The following KLF8 variants were observed in gnomAD, a reference collection of about 807,000 sequenced individuals.
KLF8 encodes the protein Krueppel-like factor 8.
A neutral mutation model predicts 18.2 loss-of-function variants in KLF8; 10 were observed. That is an observed-to-expected ratio of 0.55 (90% confidence interval 0.34 to 0.93). The LOEUF (loss-of-function observed/expected upper bound fraction) is 0.93. Among genes scored for constraint, KLF8 ranks in the 40% least tolerant of loss-of-function variants. The pLI, the probability that KLF8 is intolerant of heterozygous loss-of-function variation, is 0.02. For missense variants in KLF8, 264 were observed against 277.9 expected (o/e 0.95, Z 0.36); for synonymous variants, 109 against 97.3 (o/e 1.12, Z -0.71).
chrX:55,969,863 A>G, the KLF8 span, among the ~76,000 whole-genome samples: 2 of 111,688 alleles, frequency 1.8e-5, no homozygotes, highest in East Asian at 5.6e-4. Context: ...TCTTAGAAAC[A>G]TACAACGTAT....
the KLF8 span, among the ~76,000 whole-genome samples, chrX:56,162,056 G>A: frequency 8.9e-6 from 1 of 111,978 alleles, no homozygotes; most frequent in Non-Finnish European, 1.9e-5. Context: ...GTTTGCCTGG[G>A]TATCAGCAGC....
chrX:56,193,244 G>A, the KLF8 span, among the ~76,000 whole-genome samples: 9 of 112,464 alleles, frequency 8.0e-5, no homozygotes, highest in Non-Finnish European at 1.3e-4. Context: ...GATCATCAGA[G>A]AAATACAAAT....
At chrX:56,037,018 A>G in the KLF8 span, among the ~76,000 whole-genome samples, 1 of 111,911 alleles carries the variant, frequency 8.9e-6, no homozygotes, top group Non-Finnish European at 1.9e-5. Context: ...TTTATTTTAC[A>G]ACTTTACTGA....
the KLF8 span, among the ~76,000 whole-genome samples, chrX:56,193,420 A>T: frequency 9.0e-6 from 1 of 111,633 alleles, no homozygotes; most frequent in Non-Finnish European, 1.9e-5. Context: ...GAGGTTCCTC[A>T]AAAAATAAAA....
the KLF8 span, among the ~76,000 whole-genome samples, chrX:56,053,764 T>C: frequency 9.1e-6 from 1 of 110,309 alleles, no homozygotes; most frequent in Non-Finnish European, 1.9e-5. Context: ...AATTCATCTA[T>C]CTTTTTCTAT....
At chrX:56,076,841 T>A in the KLF8 span, among the ~76,000 whole-genome samples, 2 of 112,233 alleles carry the variant, frequency 1.8e-5, no homozygotes, top group Non-Finnish European at 3.8e-5. Flanking sequence ...TTCTAACTGA[T>A]GTGAGATGAT....
chrX:55,947,069 G>T, the KLF8 span, among the ~76,000 whole-genome samples: 4 of 111,621 alleles, frequency 3.6e-5, no homozygotes, highest in South Asian at 1.5e-3. Context: ...TATTGTGGAA[G>T]TCAGTGTGGC....
chrX:56,107,800 G>A, the KLF8 span, among the ~76,000 whole-genome samples: 222 of 111,334 alleles, frequency 2.0e-3, 1 homozygote, highest in Middle Eastern at 4.6e-3. Context: ...CCCATCTTCT[G>A]CCTCGATCAT....
At chrX:56,021,373 T>C in the KLF8 span, among the ~76,000 whole-genome samples, 2 of 111,869 alleles carry the variant, frequency 1.8e-5, no homozygotes, top group African/African-American at 6.5e-5. Flanking sequence ...ATTTGGGTCA[T>C]GTTCAGTTTT....
At chrX:56,129,835 C>T in the KLF8 span, among the ~76,000 whole-genome samples, 2 of 111,173 alleles carry the variant, frequency 1.8e-5, no homozygotes, top group Non-Finnish European at 3.8e-5. Context: ...GGGTGGGGCA[C>T]GGTGGGAGTG....
the KLF8 span, among the ~76,000 whole-genome samples, chrX:56,168,817 G>A: frequency 9.0e-6 from 1 of 111,043 alleles, no homozygotes. Flanking sequence ...TCCCTACAAA[G>A]GACATGAACT....
chrX:56,173,410 G>A, the KLF8 span, among the ~76,000 whole-genome samples: 3 of 111,849 alleles, frequency 2.7e-5, no homozygotes, highest in Admixed American at 9.5e-5. Context: ...GATAGTGGTA[G>A]ATAAGCAGCA....
At chrX:56,053,457 A>G in the KLF8 span, among the ~76,000 whole-genome samples, 3 of 106,705 alleles carry the variant, frequency 2.8e-5, no homozygotes, top group Non-Finnish European at 5.8e-5. Context: ...CATCAAGGAT[A>G]TTGGCCTGGG....
the KLF8 span, among the ~76,000 whole-genome samples, chrX:56,071,144 G>A: frequency 8.6e-4 from 96 of 111,815 alleles, no homozygotes; most frequent in African/African-American, 2.9e-3. Context: ...CTCAGCAGAA[G>A]CATTTTGATG....
the KLF8 span, among the ~76,000 whole-genome samples, chrX:55,949,200 T>G: frequency 9.0e-6 from 1 of 111,558 alleles, no homozygotes; most frequent in African/African-American, 3.3e-5. Context: ...TATATTTTAT[T>G]GATGAATCCA....
chrX:55,943,257 A>G, the KLF8 span, among the ~76,000 whole-genome samples: 2 of 110,779 alleles, frequency 1.8e-5, no homozygotes, highest in East Asian at 2.8e-4. Flanking sequence ...ATATCCAAGT[A>G]GAAGCACTAG....
At chrX:56,116,642 T>G in the KLF8 span, among the ~76,000 whole-genome samples, 1 of 96,956 alleles carries the variant, frequency 1.0e-5, no homozygotes. Flanking sequence ...CTGATATATA[T>G]ATATATATAT....
the KLF8 span, among the ~76,000 whole-genome samples, chrX:55,998,436 G>A: frequency 1.8e-5 from 2 of 112,567 alleles, no homozygotes; most frequent in Admixed American, 9.3e-5. Context: ...AGGTCCCTGC[G>A]GCCTTCCGCA....
At chrX:56,212,507 G>A in the KLF8 span, among the ~76,000 whole-genome samples, 25 of 111,981 alleles carry the variant, frequency 2.2e-4, no homozygotes, top group Non-Finnish European at 3.9e-4. Flanking sequence ...GCTGTGATTC[G>A]CAATTCTCTG....
Sources: gnomAD v4.1 joint callset for allele counts (sites outside exome capture counted in the v4.1 genomes callset) on GRCh38, gnomAD v4.1.1 for gene constraint, MANE v1.5 for transcripts, NCBI Gene and HGNC (gene_info 2026-07-23, HGNC 2026-07-21) for gene names.